SPOCK1: variants seen among roughly 807,000 people sequenced by gnomAD.
The protein encoded by SPOCK1 is testican-1.
A neutral mutation model predicts 55.3 loss-of-function variants in SPOCK1; 23 were observed. The observed-to-expected ratio is 0.42, with a 90% CI of 0.30 to 0.59. The LOEUF (loss-of-function observed/expected upper bound fraction) is 0.59, where lower values mean the gene tolerates loss of function less well. SPOCK1 is among the 20% of genes least tolerant of loss of function. The pLI is 0.22. For synonymous variants in SPOCK1, 226 were observed against 221.0 expected (o/e 1.02, Z -0.20); for missense variants, 499 against 552.5 (o/e 0.90, Z 0.97).
intron 7 of SPOCK1, among the ~76,000 whole-genome samples, chr5:136,990,007 T>A (rs1750916403): frequency 6.6e-6 from 1 of 151,868 alleles, no homozygotes; most frequent in Admixed American, 6.6e-5. Flanking sequence ...GCCTCCCGGG[T>A]TCGCACCATT....
chr5:137,116,854 C>G (rs147076906), intron 4 of SPOCK1, among the ~76,000 whole-genome samples: 2 of 152,120 alleles, frequency 1.3e-5, no homozygotes, highest in African/African-American at 4.8e-5. Flanking sequence ...TTCCCATGTG[C>G]CATCATGTGG....
At chr5:137,426,993 C>A (rs932236479) in intron 2 of SPOCK1, among the ~76,000 whole-genome samples, 7 of 152,198 alleles carry the variant, frequency 4.6e-5, no homozygotes, top group African/African-American at 1.7e-4. Flanking sequence ...GACTTCATTT[C>A]CCAGACCCCT....
chr5:137,088,502 C>T (rs1453154038), intron 5 of SPOCK1, among the ~76,000 whole-genome samples: 1 of 152,144 alleles, frequency 6.6e-6, no homozygotes, highest in Non-Finnish European at 1.5e-5. Context: ...TAAAAAAGAA[C>T]ATTATCAGGA....
chr5:137,122,257 G>GCACACA lies in SPOCK1; in HGVS notation c.348-9702_348-9697dup, dbSNP rs374324093. On this transcript the variant is annotated intron_variant, in intron 4 of 10. Coordinates refer to ENST00000394945, the MANE Select transcript of SPOCK1 (RefSeq NM_004598.4). The stretch of plus-strand genomic sequence containing the variant: ...AGCAGTTATACACACACACACACAC[G>GCACACA]CACACACACACACACACACACACAG... 4.5e-3 allele frequency among the ~76,000 whole-genome samples: 662 copies of GCACACA among 145,958 alleles called. 1 individual carries two copies. Among genetic ancestry groups the GCACACA allele is most frequent in the South Asian group, 6.6e-3 (31 of 4,700 alleles).
intron 2 of SPOCK1, among the ~76,000 whole-genome samples, chr5:137,420,775 G>A (rs1159346550): frequency 3.9e-5 from 6 of 152,078 alleles, no homozygotes; most frequent in African/African-American, 1.4e-4. Context: ...TTTTTGAAGG[G>A]TTTTTTGTGT....
At chr5:137,255,493 C>T (rs1363508636) in intron 3 of SPOCK1, among the ~76,000 whole-genome samples, 1 of 152,088 alleles carries the variant, frequency 6.6e-6, no homozygotes, top group Non-Finnish European at 1.5e-5. Context: ...TTCATCTATT[C>T]GTGTTATCAC....
intron 2 of SPOCK1, among the ~76,000 whole-genome samples, chr5:137,309,433 C>T (rs1033636937): frequency 2.6e-5 from 4 of 152,190 alleles, no homozygotes; most frequent in Admixed American, 6.5e-5. Context: ...CAGGAGCCCA[C>T]TCCAGCTCCC....
intron 6 of SPOCK1, among the ~76,000 whole-genome samples, chr5:137,017,894 C>G (rs1740735477): frequency 6.6e-6 from 1 of 152,212 alleles, no homozygotes; most frequent in African/African-American, 2.4e-5. Flanking sequence ...GGAAGACAGC[C>G]TATGGGCAAC....
intron 3 of SPOCK1, among the ~76,000 whole-genome samples, chr5:137,251,637 C>T (rs1756531273): frequency 6.6e-6 from 1 of 152,144 alleles, no homozygotes; most frequent in African/African-American, 2.4e-5. Context: ...AATGAATGAA[C>T]TAAAGAAAAC....
At chr5:137,024,317 G>GGGGGA (rs1561583063) in intron 6 of SPOCK1, among the ~76,000 whole-genome samples, 1 of 89,160 alleles carries the variant, frequency 1.1e-5, no homozygotes, top group South Asian at 4.2e-4. Context: ...AGTTTGAAGG[G>GGGGGA]GGGGGGGTAG....
chr5:137,447,843 G>C (rs1753161847), intron 2 of SPOCK1, among the ~76,000 whole-genome samples: 1 of 152,196 alleles, frequency 6.6e-6, no homozygotes, highest in African/African-American at 2.4e-5. Context: ...GCAACCTCGA[G>C]GTAGGTGATA....
intron 4 of SPOCK1, among the ~76,000 whole-genome samples, chr5:137,125,701 T>C (rs1392137835): frequency 1.3e-5 from 2 of 152,224 alleles, no homozygotes; most frequent in East Asian, 1.9e-4. Flanking sequence ...AGGCAGTTTA[T>C]GGTATTTTTG....
intron 2 of SPOCK1, among the ~76,000 whole-genome samples, chr5:137,330,883 T>C (rs1052166742): frequency 2.6e-5 from 4 of 152,234 alleles, no homozygotes; most frequent in Non-Finnish European, 5.9e-5. Context: ...TTATATCAGG[T>C]AACTGTGATA....
At chr5:137,114,185 A>G (rs977393279) in intron 4 of SPOCK1, among the ~76,000 whole-genome samples, 12 of 152,208 alleles carry the variant, frequency 7.9e-5, no homozygotes, top group Non-Finnish European at 1.8e-4. Context: ...ACAGAACCAG[A>G]GAAGAAAGTC....
intron 2 of SPOCK1, among the ~76,000 whole-genome samples, chr5:137,469,835 C>G (rs1012529901): frequency 9.2e-5 from 14 of 152,152 alleles, no homozygotes; most frequent in African/African-American, 3.4e-4. Flanking sequence ...TGGCCACCCC[C>G]ACCCAAGAGG....
intron 6 of SPOCK1, among the ~76,000 whole-genome samples, chr5:137,035,417 C>G (rs1751865770): frequency 6.6e-6 from 1 of 152,206 alleles, no homozygotes; most frequent in African/African-American, 2.4e-5. Context: ...CACTGTACCT[C>G]TCTGCAAGGT....
intron 2 of SPOCK1, among the ~76,000 whole-genome samples, chr5:137,281,940 T>G (rs1444736425): frequency 6.6e-6 from 1 of 152,244 alleles, no homozygotes; most frequent in Non-Finnish European, 1.5e-5. Context: ...TATGAACAGC[T>G]ATGGCAGTTT....
chr5:137,104,235 T>C (rs931066144), intron 5 of SPOCK1, among the ~76,000 whole-genome samples: 10 of 152,146 alleles, frequency 6.6e-5, no homozygotes, highest in African/African-American at 9.7e-5. Flanking sequence ...TTCAAAAGTG[T>C]GTGGCATCTT....
At chr5:137,428,621 A>G (rs561161748) in intron 2 of SPOCK1, among the ~76,000 whole-genome samples, 39 of 152,298 alleles carry the variant, frequency 2.6e-4, no homozygotes, top group Admixed American at 4.6e-4. Context: ...TAAGCTTTCC[A>G]GAAGCACTAG....
Sources: gnomAD v4.1 joint callset for allele counts (sites outside exome capture counted in the v4.1 genomes callset) on GRCh38, gnomAD v4.1.1 for gene constraint, MANE v1.5 for transcripts, NCBI Gene and HGNC (gene_info 2026-07-23, HGNC 2026-07-21) for gene names.